The following PFKFB3 variants were observed in gnomAD, a reference collection of about 807,000 sequenced individuals.
PFKFB3 encodes 6-phosphofructo-2-kinase/fructose-2,6-bisphosphatase 3.
Under a neutral mutation model 68.0 loss-of-function variants are expected in PFKFB3, and 33 were observed. That is an observed-to-expected ratio of 0.49 (90% CI 0.37 to 0.65). The LOEUF is 0.65. Ranked by LOEUF, PFKFB3 falls within the 30% of genes least tolerant of loss-of-function variation. PFKFB3 has a pLI of 0.00. For synonymous variants in PFKFB3, 315 were observed against 288.2 expected, an observed-to-expected ratio of 1.09 and a Z score of -0.94; for missense variants, 586 against 712.2, an observed-to-expected ratio of 0.82 and a Z score of 2.02.
chr10:6,205,684 C>A (rs1298508974), intron 1 of PFKFB3, among the ~76,000 whole-genome samples: 6 of 152,138 alleles, frequency 3.9e-5, no homozygotes, highest in Admixed American at 3.3e-4. Context: ...TGAGCCACCA[C>A]GCCCAGCTGG....
chr10:6,168,999 C>T (rs1308977993), intron 1 of PFKFB3, among the ~76,000 whole-genome samples: 2 of 149,078 alleles, frequency 1.3e-5, no homozygotes, highest in Non-Finnish European at 3.0e-5. Flanking sequence ...CTCTGTCACC[C>T]AGGCTGGAGT....
At chr10:6,176,435 T>C (rs1488021504) in intron 1 of PFKFB3, among the ~76,000 whole-genome samples, 1 of 152,120 alleles carries the variant, frequency 6.6e-6, no homozygotes, top group African/African-American at 2.4e-5. Context: ...AGAGATGGGG[T>C]CTCCCTCTGT....
intron 13 of PFKFB3, chr10:6,225,313 C>G: frequency 2.4e-6 from 1 of 420,058 alleles, no homozygotes; most frequent in Non-Finnish European, 4.9e-6. Flanking sequence ...GGTGTCCGCC[C>G]CAGTCGCTGG....
the PFKFB3 span, among the ~76,000 whole-genome samples, chr10:6,315,985 A>G: frequency 6.6e-6 from 1 of 152,256 alleles, no homozygotes; most frequent in African/African-American, 2.4e-5. Flanking sequence ...AAAAAGAACC[A>G]TTACTACAAA....
intron 1 of PFKFB3, among the ~76,000 whole-genome samples, chr10:6,179,416 A>T (rs1453621889): frequency 3.3e-5 from 5 of 152,238 alleles, no homozygotes; most frequent in Non-Finnish European, 7.3e-5. Context: ...GTGATCATTA[A>T]TCAGTTAACA....
the PFKFB3 span, among the ~76,000 whole-genome samples, chr10:6,276,857 T>TGTGTGTGA: frequency 6.6e-6 from 1 of 151,830 alleles, no homozygotes; most frequent in South Asian, 2.1e-4. Flanking sequence ...TGTGTGTGTG[T>TGTGTGTGA]GTGTGTGTGT....
chr10:6,183,614 A>AAATATATAT (rs1242752213), intron 1 of PFKFB3, among the ~76,000 whole-genome samples: 58 of 93,942 alleles, frequency 6.2e-4, no homozygotes, highest in African/African-American at 1.9e-3. Context: ...AAAAAAAAAA[A>AAATATATAT]ATATATATAT....
chr10:6,215,142 G>T lies in PFKFB3; in HGVS notation c.203-79G>T. The stretch of plus-strand genomic sequence containing the variant: ...TGGTTGGCCTGGTGGCTCTTCCTTT[G>T]GTCGATCCTATGGTCCCGGTGTGAG... On this transcript the variant is annotated intron_variant, in intron 2 of 14. Transcript: ENST00000379775. This position sits in a 1 kb window ranked among gnomAD's most constrained non-coding sequence, Gnocchi z 4.3. 1.6e-6 allele frequency: 2 copies of T among 1,251,992 alleles called. No individual in the cohort carries two copies. Among genetic ancestry groups the T allele is most frequent in the South Asian group, 2.5e-5 (2 of 81,476 alleles). The allele number at this position is 1,251,992 out of a possible 1,614,324, so 77.6% of individuals were successfully genotyped here. A position where few individuals can be genotyped will look rare whatever the true frequency, so the allele number is the denominator to read the frequency against.
intron 1 of PFKFB3, among the ~76,000 whole-genome samples, chr10:6,184,523 T>G (rs1344653728): frequency 6.6e-6 from 1 of 152,018 alleles, no homozygotes; most frequent in Admixed American, 6.6e-5. Context: ...CAGGCTGGAG[T>G]GCAATGGTGT....
In PFKFB3 at chr10:6,220,936, A is replaced by G; in HGVS notation, c.831+71A>G. ...TGCAGGGTCTATAGGGTGGGTGGGG[A>G]GCTGTGTGCTGCTGCTGCTGCTGCT... is the stretch of plus-strand genomic sequence containing the variant. On this transcript the variant is annotated intron_variant, in intron 8 of 14. Transcript: ENST00000379775. This position sits in a 1 kb window ranked among gnomAD's most constrained non-coding sequence, Gnocchi z 4.1. The G allele has an allele frequency of 7.3e-7, 1 of 1,368,454 alleles. No homozygotes were observed. Among genetic ancestry groups the G allele is most frequent in the East Asian group, 2.3e-5 (1 of 43,286 alleles). 84.8% of individuals were successfully genotyped at this position (1,368,454 alleles called of 1,614,324 possible).
chr10:6,325,574 G>GA, the PFKFB3 span, among the ~76,000 whole-genome samples: 12 of 151,814 alleles, frequency 7.9e-5, no homozygotes, highest in African/African-American at 2.9e-4. Context: ...TTTCAATCAG[G>GA]AAAAAAAATG....
rs1395276136 is a variant in PFKFB3 at position 6,205,435 on chromosome 10, G to A, written c.76+2099G>A. Among the ~76,000 whole-genome samples the A allele has an allele frequency of 5.8e-5, 7 of 120,570 alleles. No individual in the cohort carries two copies. In the East Asian group the frequency reaches 7.8e-4, roughly 13 times the overall value. 79.1% of individuals were successfully genotyped at this position (120,570 alleles called of 152,430 possible). On this transcript the variant is annotated intron_variant, in intron 1 of 14. Transcript: ENST00000379775. ...TGACATGGCGTTTCACTCTGTCACC[G>A]AGGCTGGAGTGCAGTGGTGCGATCT...
chr10:6,276,024 C>A, the PFKFB3 span, among the ~76,000 whole-genome samples: 1 of 152,064 alleles, frequency 6.6e-6, no homozygotes, highest in Admixed American at 6.6e-5. Context: ...ATTCATGGCA[C>A]CTTGTATTTG....
chr10:6,292,012 G>C, the PFKFB3 span, among the ~76,000 whole-genome samples: 16 of 135,866 alleles, frequency 1.2e-4, no homozygotes, highest in African/African-American at 4.2e-4. Context: ...GGCATACAGT[G>C]GTTTGATCTT....
At chr10:6,156,496 T>G (rs1841799335) in intron 1 of PFKFB3, among the ~76,000 whole-genome samples, 1 of 150,236 alleles carries the variant, frequency 6.7e-6, no homozygotes, top group South Asian at 2.1e-4. Context: ...AATTAATTAA[T>G]TAATTAATTA....
chr10:6,265,184 G>A, the PFKFB3 span, among the ~76,000 whole-genome samples: 15 of 150,444 alleles, frequency 1.0e-4, no homozygotes, highest in South Asian at 3.0e-3. Flanking sequence ...GGGTTCAAGC[G>A]ATTCTCCTGC....
intron 14 of PFKFB3, among the ~76,000 whole-genome samples, chr10:6,231,764 C>T (rs1435666038): frequency 6.6e-6 from 1 of 152,190 alleles, no homozygotes; most frequent in Admixed American, 6.5e-5. Context: ...CTTCGGCGGG[C>T]ACCCATCAAC....
At chr10:6,241,973 G>T (rs1274792790) in intron 14 of PFKFB3, among the ~76,000 whole-genome samples, 1 of 151,686 alleles carries the variant, frequency 6.6e-6, no homozygotes, top group Admixed American at 6.6e-5. Flanking sequence ...AGCCCCCCGA[G>T]TAGCTGGGAT....
intron 1 of PFKFB3, among the ~76,000 whole-genome samples, chr10:6,178,925 A>T (rs755813622): frequency 1.3e-5 from 2 of 152,186 alleles, no homozygotes; most frequent in Non-Finnish European, 2.9e-5. Context: ...CCGTCTCACT[A>T]CCAGCCACCA....
Sources: gnomAD v4.1 joint callset for allele counts (sites outside exome capture counted in the v4.1 genomes callset) on GRCh38, gnomAD v4.1.1 for gene constraint, Gnocchi (gnomAD v3.1) non-coding constraint, MANE v1.5 for transcripts, NCBI Gene and HGNC (gene_info 2026-07-23, HGNC 2026-07-21) for gene names.